METTL15: variants seen among roughly 807,000 people sequenced by gnomAD.
METTL15 encodes 12S rRNA N(4)-cytidine methyltransferase METTL15.
Under a neutral mutation model 38.3 loss-of-function variants are expected in METTL15, and 34 were observed. The observed-to-expected ratio is 0.89, with a 90% CI of 0.68 to 1.18. The LOEUF is 1.18. METTL15 is among the 50% of genes most tolerant of loss of function. The pLI is 0.00. For missense variants in METTL15, 438 were observed against 498.4 expected (o/e 0.88, Z 1.15); for synonymous variants, 162 against 170.9 (o/e 0.95, Z 0.41).
intron 3 of METTL15, among the ~76,000 whole-genome samples, chr11:28,186,386 A>T (rs1054683001): frequency 6.6e-6 from 1 of 151,230 alleles, no homozygotes; most frequent in Non-Finnish European, 1.5e-5. Flanking sequence ...TGTCTTCAGA[A>T]TTTTTTTGTA....
intron 6 of METTL15, among the ~76,000 whole-genome samples, chr11:28,465,179 T>C (rs1268193978): frequency 6.6e-6 from 1 of 152,150 alleles, no homozygotes; most frequent in Non-Finnish European, 1.5e-5. Context: ...GATTAAGTCT[T>C]TCAACGGTAA....
intron 6 of METTL15, among the ~76,000 whole-genome samples, chr11:28,487,375 A>G (rs1851447514): frequency 6.6e-6 from 1 of 152,182 alleles, no homozygotes; most frequent in Admixed American, 6.6e-5. Flanking sequence ...AGAATCTGAC[A>G]TATTAAGTAA....
chr11:28,430,889 C>G (rs1262430724), intron 6 of METTL15, among the ~76,000 whole-genome samples: 3 of 120,008 alleles, frequency 2.5e-5, no homozygotes, highest in Admixed American at 8.1e-5. Flanking sequence ...GCCGCCCCGT[C>G]CGGGAGGGAG....
intron 6 of METTL15, among the ~76,000 whole-genome samples, chr11:28,466,832 T>C (rs1322075618): frequency 6.6e-6 from 1 of 152,162 alleles, no homozygotes; most frequent in Non-Finnish European, 1.5e-5. Context: ...GGCTCCATGG[T>C]TTGTATACTG....
At chr11:28,355,238 T>A (rs1017877660) in intron 4 of METTL15, among the ~76,000 whole-genome samples, 1 of 152,242 alleles carries the variant, frequency 6.6e-6, no homozygotes, top group African/African-American at 2.4e-5. Context: ...TATCCCTATG[T>A]CACTGTTCTG....
intron 3 of METTL15, among the ~76,000 whole-genome samples, chr11:28,160,921 T>C (rs764737490): frequency 1.8e-4 from 27 of 152,184 alleles, no homozygotes; most frequent in Admixed American, 7.2e-4. Flanking sequence ...ACATCCTTTT[T>C]TTATAATAAA....
intron 6 of METTL15, among the ~76,000 whole-genome samples, chr11:28,328,376 G>A (rs959769972): frequency 9.9e-5 from 15 of 152,008 alleles, no homozygotes; most frequent in Admixed American, 2.0e-4. Context: ...ATTTCTTTCC[G>A]TCTCTGATCT....
At chr11:28,378,289 T>C (rs1340941551) in intron 5 of METTL15, among the ~76,000 whole-genome samples, 2 of 152,212 alleles carry the variant, frequency 1.3e-5, no homozygotes, top group Admixed American at 6.5e-5. Flanking sequence ...CTCAGACTGC[T>C]GTGCTAGCAA....
intron 3 of METTL15, chr11:28,197,450 A>C: frequency 2.6e-6 from 1 of 390,020 alleles, no homozygotes; most frequent in Non-Finnish European, 5.4e-6. Context: ...GATTTTGTTC[A>C]TGTGTATTGT....
chr11:28,396,233 G>T (rs1329764093), intron 5 of METTL15, among the ~76,000 whole-genome samples: 3 of 152,176 alleles, frequency 2.0e-5, no homozygotes, highest in African/African-American at 4.8e-5. Flanking sequence ...AGTGTTGGAA[G>T]TTCTGACCAG....
Position 28,430,244 on chromosome 11 carries a change from G to A in METTL15, c.*424+5880G>A, listed in dbSNP as rs1476632436. On this transcript the variant is annotated intron_variant and NMD_transcript_variant, in intron 6 of 7. Coordinates refer to the METTL15 transcript ENST00000532947. Reference sequence around the variant, plus strand: ...GGGAGGTGGGGGGGGTCAGCCCCCCGCCAGGCCAGCCGCCCCATCCGGGAG... The same window carrying A: ...GGGAGGTGGGGGGGGTCAGCCCCCCACCAGGCCAGCCGCCCCATCCGGGAG... 1.8e-4 allele frequency among the ~76,000 whole-genome samples: 25 copies of A among 139,964 alleles called. 1 individual carries two copies. The South Asian group carries it at 3.6e-3, about 20-fold the overall frequency. The allele number at this position is 139,964 out of a possible 152,430, so 91.8% of individuals were successfully genotyped here.
At chr11:28,446,679 C>G (rs1851077881) in intron 6 of METTL15, among the ~76,000 whole-genome samples, 1 of 152,162 alleles carries the variant, frequency 6.6e-6, no homozygotes, top group East Asian at 1.9e-4. Flanking sequence ...TTCCATAGAC[C>G]TGACTATCAA....
At chr11:28,328,761 G>A (rs1200337475) in intron 6 of METTL15, among the ~76,000 whole-genome samples, 1 of 152,002 alleles carries the variant, frequency 6.6e-6, no homozygotes, top group Admixed American at 6.6e-5. Context: ...AATTATTGAA[G>A]TAGATGGGAC....
intron 6 of METTL15, among the ~76,000 whole-genome samples, chr11:28,513,544 G>C (rs960490171): frequency 2.0e-5 from 3 of 152,156 alleles, no homozygotes; most frequent in Admixed American, 1.3e-4. Context: ...GGTGCTAGAG[G>C]AATTAAAGAC....
chr11:28,490,524 C>G (rs1001861955), intron 6 of METTL15, among the ~76,000 whole-genome samples: 2 of 152,112 alleles, frequency 1.3e-5, no homozygotes, highest in Non-Finnish European at 2.9e-5. Flanking sequence ...ATTAAAATCA[C>G]TGGCAAAGCA....
At chr11:28,437,710 T>C (rs1850995443) in intron 6 of METTL15, among the ~76,000 whole-genome samples, 1 of 152,204 alleles carries the variant, frequency 6.6e-6, no homozygotes, top group Non-Finnish European at 1.5e-5. Flanking sequence ...TTCGTTTTAT[T>C]TTGCCTAGTA....
rs1488171780 is a variant in METTL15, at chr11:28,330,638, A to G, written c.1021A>G (p.Arg341Gly). 1.9e-6 allele frequency: 3 copies of G among 1,551,354 alleles called. No homozygotes were observed. Among genetic ancestry groups the G allele is most frequent in the South Asian group, 2.4e-5 (2 of 84,058 alleles). Residue 341 changes from arginine (R) to glycine (G), a missense_variant, in exon 7 of 7, where the codon AGA (arginine) becomes GGA (glycine). Transcript: ENST00000407364. ...TTTGCTTGGAATAAGCATGACAGAA[A>G]GATTTAACCTAAGTGTTAGACAACA... ...RFLLGISMTE[R>G]FNLSVRQQVM...
chr11:28,142,091 CTT>C (rs761144498), intron 3 of METTL15, among the ~76,000 whole-genome samples: 26 of 152,266 alleles, frequency 1.7e-4, no homozygotes, highest in Middle Eastern at 3.4e-3. Context: ...AAGCAGGACA[CTT>C]TTGAGAAACC....
chr11:28,150,545 C>T (rs140335515), intron 3 of METTL15, among the ~76,000 whole-genome samples: 108 of 151,752 alleles, frequency 7.1e-4, no homozygotes, highest in African/African-American at 2.3e-3. Flanking sequence ...AAAAAGTATT[C>T]TAAAAATATC....
Sources: allele counts gnomAD v4.1 joint callset (sites outside exome capture counted in the v4.1 genomes callset), GRCh38; gene constraint gnomAD v4.1.1; transcripts MANE v1.5; gene names NCBI Gene and HGNC (gene_info 2026-07-23, HGNC 2026-07-21).